The following SPOCK1 variants were observed in gnomAD, a reference collection of about 807,000 sequenced individuals.
SPOCK1 encodes SPARC (osteonectin), cwcv and kazal like domains proteoglycan 1, also known as testican-1.
SPOCK1 carries 23 observed loss-of-function variants against 55.3 expected under a neutral mutation model. The ratio of observed to expected loss-of-function variants is 0.42; its 90% CI spans 0.30 to 0.59. SPOCK1 has a LOEUF of 0.59. Among genes scored for constraint, SPOCK1 ranks in the 20% least tolerant of loss-of-function variants. The pLI is 0.22. For synonymous variants in SPOCK1, 226 were observed against 221.0 expected, an observed-to-expected ratio of 1.02 and a Z score of -0.20; for missense variants, 499 against 552.5, an observed-to-expected ratio of 0.90 and a Z score of 0.97.
chr5:137,308,022 A>G (rs1396656008), intron 2 of SPOCK1, among the ~76,000 whole-genome samples: 3 of 152,226 alleles, frequency 2.0e-5, no homozygotes, highest in Non-Finnish European at 4.4e-5. Context: ...ATATACACAA[A>G]GGGCTGAGCA....
At chr5:137,476,903 C>A in intron 2 of SPOCK1, among the ~76,000 whole-genome samples, 1 of 151,684 alleles carries the variant, frequency 6.6e-6, no homozygotes, top group African/African-American at 2.4e-5. Context: ...CCAGCCTGGA[C>A]AACAGAATGA....
chr5:137,198,081 G>A (rs984948317), intron 3 of SPOCK1, among the ~76,000 whole-genome samples: 25 of 152,186 alleles, frequency 1.6e-4, no homozygotes, highest in African/African-American at 5.5e-4. Flanking sequence ...TTGGGGTCAT[G>A]TGATATAAAC....
intron 2 of SPOCK1, among the ~76,000 whole-genome samples, chr5:137,464,852 TG>T (rs1487098611): frequency 2.0e-5 from 3 of 152,096 alleles, no homozygotes; most frequent in Non-Finnish European, 4.4e-5. Context: ...AGCATATATG[TG>T]GTAGCAGAAA....
chr5:137,400,216 G>A (rs1314556088), intron 2 of SPOCK1, among the ~76,000 whole-genome samples: 3 of 152,186 alleles, frequency 2.0e-5, no homozygotes, highest in African/African-American at 7.2e-5. Flanking sequence ...ACCATAGTGT[G>A]GAAGAGGACA....
At chr5:137,319,538 G>A (rs1465895606) in intron 2 of SPOCK1, among the ~76,000 whole-genome samples, 1 of 152,134 alleles carries the variant, frequency 6.6e-6, no homozygotes, top group Non-Finnish European at 1.5e-5. Flanking sequence ...AGTGATGCTA[G>A]GATACACTTT....
In SPOCK1 at chr5:136,976,485, A is replaced by G. The variant is rs1298232528; in HGVS notation, c.*2169T>C. On this transcript the variant is annotated 3_prime_UTR_variant, in exon 11 of 11. Transcript: ENST00000394945. ...GTTCCTAGAAGTTTTTCTAAGTGAA[A>G]TCAATTTTTCAATTTTAATTTGTTC... The G allele has an allele frequency of 6.6e-6, 1 of 152,624 alleles. No homozygotes were observed. The highest frequency in any genetic ancestry group is 1.5e-5 in the Non-Finnish European group (1 of 68,036). The allele number at this position is 152,624 out of a possible 1,614,324, so 9.5% of individuals were successfully genotyped here. A position where few individuals can be genotyped will look rare whatever the true frequency, so the allele number is the denominator to read the frequency against.
chr5:137,149,395 T>C (rs1030265690), intron 3 of SPOCK1, among the ~76,000 whole-genome samples: 1 of 152,234 alleles, frequency 6.6e-6, no homozygotes, highest in Non-Finnish European at 1.5e-5. Flanking sequence ...GTAAAGGTAT[T>C]TGGGTTCTAT....
At chr5:136,988,023 A>C (rs995133347) in intron 8 of SPOCK1, among the ~76,000 whole-genome samples, 1 of 152,216 alleles carries the variant, frequency 6.6e-6, no homozygotes, top group Non-Finnish European at 1.5e-5. Context: ...TATCCTAGAG[A>C]AACTGACAAG....
intron 6 of SPOCK1, among the ~76,000 whole-genome samples, chr5:137,005,344 C>A (rs977906209): frequency 6.6e-6 from 1 of 150,696 alleles, no homozygotes; most frequent in Admixed American, 6.6e-5. Flanking sequence ...AAGGGGCTGG[C>A]AAGTTGATTT....
In SPOCK1 at chr5:137,263,488, G is replaced by A. The variant is rs143885089; in HGVS notation, c.232+3522C>T. Among the ~76,000 whole-genome samples the A allele has an allele frequency of 6.8e-3, 1,037 of 152,314 alleles. 8 individuals are homozygous for A. Among genetic ancestry groups the A allele is most frequent in the Middle Eastern group, 0.034 (10 of 294 alleles). On this transcript the variant is annotated intron_variant, in intron 3 of 10. Coordinates refer to ENST00000394945, the MANE Select transcript of SPOCK1 (RefSeq NM_004598.4). Reference sequence around the variant, plus strand: ...TCTGGAATCACCCCAGAGCTCTGCAGCCTCAGCCAGCCCTCTGAAGGTCCA... The same window carrying A: ...TCTGGAATCACCCCAGAGCTCTGCAACCTCAGCCAGCCCTCTGAAGGTCCA...
intron 4 of SPOCK1, among the ~76,000 whole-genome samples, chr5:137,139,568 C>T (rs1023860823): frequency 8.2e-5 from 8 of 97,162 alleles, no homozygotes; most frequent in South Asian, 3.4e-4. Flanking sequence ...GGTGGGGAGC[C>T]GATTTAAGTG....
At chr5:137,272,124 A>C (rs887440786) in intron 2 of SPOCK1, among the ~76,000 whole-genome samples, 28 of 152,174 alleles carry the variant, frequency 1.8e-4, no homozygotes, top group African/African-American at 6.8e-4. Context: ...ATCAGAACTG[A>C]GTTTGTAGAT....
chr5:137,090,676 C>G (rs1753036880), intron 5 of SPOCK1, among the ~76,000 whole-genome samples: 1 of 152,150 alleles, frequency 6.6e-6, no homozygotes, highest in Non-Finnish European at 1.5e-5. Context: ...AGTTGTATCC[C>G]TGAAGTATGA....
intron 2 of SPOCK1, among the ~76,000 whole-genome samples, chr5:137,356,685 G>A (rs867821420): frequency 2.0e-5 from 3 of 150,014 alleles, no homozygotes; most frequent in East Asian, 2.0e-4. Context: ...CAGCTACTTA[G>A]GAGGCTGAGG....
chr5:137,497,435 T>C (rs1272892604), intron 2 of SPOCK1, among the ~76,000 whole-genome samples: 2 of 152,294 alleles, frequency 1.3e-5, no homozygotes, highest in African/African-American at 4.8e-5. Context: ...CAGGAATTCC[T>C]AATGTTAAGT....
At chr5:137,335,519 A>G (rs1395921856) in intron 2 of SPOCK1, among the ~76,000 whole-genome samples, 1 of 152,228 alleles carries the variant, frequency 6.6e-6, no homozygotes, top group African/African-American at 2.4e-5. Context: ...TAATGCACCT[A>G]TGAAATAATT....
chr5:137,212,181 T>G (rs112675057), intron 3 of SPOCK1, among the ~76,000 whole-genome samples: 3,081 of 152,244 alleles, frequency 0.02, 113 homozygotes, highest in African/African-American at 0.068. Context: ...AGAATTAAGT[T>G]AAACTGTAGG....
At chr5:137,449,169 C>A (rs902518626) in intron 2 of SPOCK1, among the ~76,000 whole-genome samples, 1 of 152,228 alleles carries the variant, frequency 6.6e-6, no homozygotes, top group East Asian at 1.9e-4. Flanking sequence ...TGGTCACAAT[C>A]GCAAAGTAGA....
Position 137,183,608 on chromosome 5 carries a change from G to C in SPOCK1, c.233-42914C>G, listed in dbSNP as rs114247010. Among the ~76,000 whole-genome samples the C allele has an allele frequency of 4.3e-3, 650 of 152,286 alleles. 2 individuals are homozygous for C. The highest frequency in any genetic ancestry group is 7.5e-3 in the Non-Finnish European group (509 of 68,030). ...TCCAGAGGACTTTTGCAGCCTGTTT[G>C]GCACTGGTCTAGGGGTGGGACCTGG... On this transcript the variant is annotated intron_variant, in intron 3 of 10. Transcript: ENST00000394945.
Sources: allele counts gnomAD v4.1 joint callset (sites outside exome capture counted in the v4.1 genomes callset), GRCh38; gene constraint gnomAD v4.1.1; transcripts MANE v1.5; gene names NCBI Gene and HGNC (gene_info 2026-07-23, HGNC 2026-07-21).